RPH3A: variants seen among roughly 807,000 people sequenced by gnomAD.
RPH3A encodes rabphilin 3A.
In RPH3A, 48 loss-of-function variants were observed where a neutral mutation model predicts 102.2. The observed-to-expected ratio is 0.47, with a 90% CI of 0.37 to 0.60. RPH3A has a LOEUF of 0.60. RPH3A is among the 20% of genes least tolerant of loss of function. The pLI is 0.00. For missense variants in RPH3A, 781 were observed against 910.1 expected, an observed-to-expected ratio of 0.86 and a Z score of 1.83; for synonymous variants, 310 against 324.3, an observed-to-expected ratio of 0.96 and a Z score of 0.47.
rs147908377 is a variant in RPH3A, at chr12:112,847,792, G to C, written c.180G>C (p.Arg60Ser). ...ATGAGGAGAAAGAAATCATCAACAG[G>C]GTGATTGCTCGAGCTGAGAAAATGG... Reference protein sequence around the residue: ...LTDEEKEIINRVIARAEKMEE... With the variant: ...LTDEEKEIINSVIARAEKMEE... The change falls in exon 5 of 22, where the codon AGG becomes AGC. Residue 60 changes from arginine to serine, a missense_variant. Coordinates refer to ENST00000389385, the MANE Select transcript of RPH3A (RefSeq NM_001143854.2). 75 of 1,614,098 alleles carry C rather than the reference G, an allele frequency of 4.6e-5. No homozygotes were observed. Among genetic ancestry groups the C allele is most frequent in the Non-Finnish European group, 5.8e-5 (69 of 1,180,040 alleles).
intron 1 of RPH3A, among the ~76,000 whole-genome samples, chr12:112,587,678 A>G (rs1052809202): frequency 6.6e-6 from 1 of 151,930 alleles, no homozygotes; most frequent in Non-Finnish European, 1.5e-5. Flanking sequence ...TATATTGTGT[A>G]TTTATTTTTT....
chr12:112,811,333 C>G (rs1465718648), intron 2 of RPH3A, among the ~76,000 whole-genome samples: 2 of 152,028 alleles, frequency 1.3e-5, no homozygotes, highest in East Asian at 3.8e-4. Flanking sequence ...AACTTGTGGC[C>G]AATAGCATGA....
At position 112,870,321 on chromosome 12, in the gene RPH3A, A is replaced by AC. The variant is rs564907221; in HGVS notation, c.796+282_796+283insC. 1.6e-3 allele frequency among the ~76,000 whole-genome samples: 245 copies of AC among 151,700 alleles called. 1 individual carries two copies. The highest frequency in any genetic ancestry group is 2.8e-3 in the Non-Finnish European group (193 of 67,860). ...TTTTCTCCCCGCCTCAAAAAAAAAAAAAAAAAAACCCTGGGGGAAAAATGC... is the reference window on the plus strand; with the variant it reads ...TTTTCTCCCCGCCTCAAAAAAAAAAACAAAAAAAACCCTGGGGGAAAAATGC... On this transcript the variant is annotated intron_variant, in intron 10 of 21. Coordinates refer to ENST00000389385, the MANE Select transcript of RPH3A (RefSeq NM_001143854.2).
chr12:112,810,110 T>G (rs1220998208), intron 2 of RPH3A, among the ~76,000 whole-genome samples: 1 of 152,198 alleles, frequency 6.6e-6, no homozygotes, highest in Non-Finnish European at 1.5e-5. Flanking sequence ...AACTAAGAAA[T>G]AAATCTGCAA....
At chr12:112,689,294 A>G (rs1220224623) in intron 1 of RPH3A, among the ~76,000 whole-genome samples, 1 of 152,208 alleles carries the variant, frequency 6.6e-6, no homozygotes, top group Non-Finnish European at 1.5e-5. Flanking sequence ...CTTAGCCACA[A>G]GTTGAGGTTG....
intron 1 of RPH3A, among the ~76,000 whole-genome samples, chr12:112,622,000 G>C (rs1321849729): frequency 6.6e-6 from 1 of 151,000 alleles, no homozygotes; most frequent in African/African-American, 2.4e-5. Flanking sequence ...TGAGGGTCCT[G>C]TCTGTTAGAA....
At chr12:112,739,383 G>A (rs1257222107) in intron 1 of RPH3A, among the ~76,000 whole-genome samples, 1 of 152,186 alleles carries the variant, frequency 6.6e-6, no homozygotes, top group African/African-American at 2.4e-5. Flanking sequence ...GCTTAGGGAG[G>A]TGAAGTCATT....
intron 1 of RPH3A, among the ~76,000 whole-genome samples, chr12:112,677,377 T>C (rs184548365): frequency 0.042 from 546 of 13,100 alleles, 34 homozygotes; most frequent in African/African-American, 0.053. Flanking sequence ...CTCCTTCCCT[T>C]CCTCCCTCCC....
intron 1 of RPH3A, among the ~76,000 whole-genome samples, chr12:112,724,023 C>T (rs78678577): frequency 0.044 from 6,548 of 149,730 alleles, 256 homozygotes; most frequent in South Asian, 0.17. Context: ...GCAATTATGA[C>T]ATACTTAACT....
In RPH3A at chr12:112,742,335, C is replaced by T. The variant is rs555554627; in HGVS notation, c.-139-49808C>T. Among the ~76,000 whole-genome samples the T allele has an allele frequency of 6.6e-5, 10 of 152,100 alleles. No individual in the cohort carries two copies. The South Asian group carries it at 8.3e-4, about 13-fold the overall frequency. ...GAAATTGGAGAGGAAATGTTGTATACGAAGTTCATGTATCTGAAGAAGCAT... is the reference window on the plus strand; with the variant it reads ...GAAATTGGAGAGGAAATGTTGTATATGAAGTTCATGTATCTGAAGAAGCAT... On this transcript the variant is annotated intron_variant, in intron 1 of 21. Transcript: ENST00000543106.
intron 5 of RPH3A, among the ~76,000 whole-genome samples, chr12:112,848,915 C>T (rs1418061160): frequency 1.3e-5 from 2 of 151,946 alleles, no homozygotes; most frequent in Non-Finnish European, 2.9e-5. Context: ...GACTGGCTGC[C>T]GGGATACAGA....
chr12:112,874,736 G>C (rs916718570), intron 10 of RPH3A: 46 of 233,398 alleles, frequency 2.0e-4, no homozygotes, highest in African/African-American at 1.0e-3. Flanking sequence ...TTGTGTCATT[G>C]TATCTTCCCC....
rs920935856 is a variant in RPH3A, at chr12:112,801,553, C to T, written c.-19+9290C>T. The stretch of plus-strand genomic sequence containing the variant: ...GAGGGAGAAATAAATGGTGCACACT[C>T]GTGTTGGTGACCCGGAGGGGGACTG... On this transcript the variant is annotated intron_variant, in intron 2 of 21. Coordinates refer to ENST00000389385, the MANE Select transcript of RPH3A (RefSeq NM_001143854.2). Among the ~76,000 whole-genome samples the T allele has an allele frequency of 4.6e-5, 7 of 152,180 alleles. No homozygotes were observed. The East Asian group carries it at 7.7e-4, about 17-fold the overall frequency.
chr12:112,603,780 G>C (rs2039574432), intron 1 of RPH3A, among the ~76,000 whole-genome samples: 1 of 152,132 alleles, frequency 6.6e-6, no homozygotes. Flanking sequence ...AAACAGCCCA[G>C]CAAGTCCCAG....
chr12:112,584,405 GTTT>G, intron 1 of RPH3A, among the ~76,000 whole-genome samples: 1 of 152,280 alleles, frequency 6.6e-6, no homozygotes, highest in East Asian at 1.9e-4. Flanking sequence ...AAGTTGCTGA[GTTT>G]TCAGATATTT....
At chr12:112,695,989 CT>C (rs900778557) in intron 1 of RPH3A, among the ~76,000 whole-genome samples, 4 of 152,184 alleles carry the variant, frequency 2.6e-5, no homozygotes, top group African/African-American at 9.7e-5. Context: ...CCCTCACCCC[CT>C]CCCAAACTTT....
chr12:112,834,975 G>A (rs529635886), intron 3 of RPH3A, among the ~76,000 whole-genome samples: 1 of 152,244 alleles, frequency 6.6e-6, no homozygotes, highest in East Asian at 1.9e-4. Context: ...GAAAGGGAGA[G>A]GGATCTTGGA....
intron 2 of RPH3A, among the ~76,000 whole-genome samples, chr12:112,808,454 G>C (rs961480342): frequency 2.6e-5 from 4 of 152,186 alleles, no homozygotes; most frequent in African/African-American, 9.7e-5. Flanking sequence ...AAGTGCTCAG[G>C]GGCAGTCTCT....
At chr12:112,806,385 AG>A (rs1454125965) in intron 2 of RPH3A, among the ~76,000 whole-genome samples, 1 of 152,248 alleles carries the variant, frequency 6.6e-6, no homozygotes, top group Non-Finnish European at 1.5e-5. Context: ...CTGTAATCCC[AG>A]CACTTTGGGA....
Sources: gnomAD v4.1 joint callset for allele counts (sites outside exome capture counted in the v4.1 genomes callset) on GRCh38, gnomAD v4.1.1 for gene constraint, MANE v1.5 for transcripts, NCBI Gene and HGNC (gene_info 2026-07-23, HGNC 2026-07-21) for gene names.